The following VPS35L variants were observed in gnomAD, a reference collection of about 807,000 sequenced individuals.
VPS35L encodes VPS35 endosomal protein sorting factor like.
A neutral mutation model predicts 133.0 loss-of-function variants in VPS35L; 83 were observed. That is an observed-to-expected ratio of 0.62 (90% CI 0.52 to 0.75). The LOEUF is 0.75. VPS35L is among the 30% of genes least tolerant of loss of function. The pLI is 0.00. For missense variants in VPS35L, 1,083 were observed against 1,206.8 expected (o/e 0.90, Z 1.52); for synonymous variants, 423 against 449.9 (o/e 0.94, Z 0.76).
intron 12 of VPS35L, among the ~76,000 whole-genome samples, chr16:19,612,088 G>C (rs1013167970): frequency 6.6e-6 from 1 of 151,362 alleles, no homozygotes; most frequent in Non-Finnish European, 1.5e-5. Context: ...CCAGGTGTGC[G>C]CTACCACGCC....
chr16:19,591,890 A>T lies in VPS35L; in HGVS notation c.724+16A>T. The stretch of plus-strand genomic sequence containing the variant: ...GATACATTTGGTAAGTACCTGTCAT[A>T]TGCATCTTAGATCTAGGAAATGTGT... On this transcript the variant is annotated intron_variant, in intron 8 of 30. Coordinates refer to ENST00000417362, the MANE Select transcript of VPS35L (RefSeq NM_020314.7). 6.4e-7 allele frequency: 1 copy of T among 1,553,714 alleles called. No homozygotes were observed. The highest frequency in any genetic ancestry group is 8.9e-7 in the Non-Finnish European group (1 of 1,125,386).
chr16:19,699,752 C>A lies in VPS35L; in HGVS notation c.2793+104C>A. On this transcript the variant is annotated intron_variant, in intron 30 of 30. Coordinates refer to ENST00000417362, the MANE Select transcript of VPS35L (RefSeq NM_020314.7). The surrounding 1 kb of genome is among the most constrained non-coding windows in gnomAD (Gnocchi z 4.2). ...ACATCAGACAGACAACCCCATACTC[C>A]CCTTTTAGAAAAGCACTTGGTCCAT... 6.9e-7 allele frequency: 1 copy of A among 1,453,338 alleles called. No homozygotes were observed. Among genetic ancestry groups the A allele is most frequent in the South Asian group, 1.2e-5 (1 of 83,334 alleles). 90.0% of individuals were successfully genotyped at this position (1,453,338 alleles called of 1,614,324 possible).
rs1038160696 is a variant in VPS35L at position 19,616,815 on chromosome 16, G to C, written c.1224+7G>C. ...CTCCTACCATGCCCCCGAGGTAACT[G>C]CCAGGTGGCTTCAGTGTGACGCTCA... On this transcript the variant is annotated splice_region_variant and intron_variant, in intron 14 of 30. Transcript: ENST00000417362. 1 of 1,614,034 alleles carries C rather than the reference G, an allele frequency of 6.2e-7. No individual in the cohort carries two copies. Among genetic ancestry groups the C allele is most frequent in the Non-Finnish European group, 8.5e-7 (1 of 1,180,036 alleles).
rs775946795 is a variant in VPS35L at position 19,564,924 on chromosome 16, G to A, written c.91G>A (p.Asp31Asn). 5 of 1,612,668 alleles carry A rather than the reference G, an allele frequency of 3.1e-6. No homozygotes were observed. In the Admixed American group the frequency reaches 8.3e-5, roughly 27 times the overall value. Residue 31 changes from aspartate to asparagine, a missense_variant, in exon 2 of 31, where the codon GAC becomes AAC. Physicochemically the swap from Asp to Asn is conservative, Grantham distance 23. Coordinates refer to ENST00000417362, the MANE Select transcript of VPS35L (RefSeq NM_020314.7). Reference sequence around the variant, plus strand: ...GGAGGCTGTACCATTGGAGTTTGGGGACTATCACCCTCTGAAACCCATAAC... The same window carrying A: ...GGAGGCTGTACCATTGGAGTTTGGGAACTATCACCCTCTGAAACCCATAAC... ...RLEAVPLEFG[D>N]YHPLKPITVT...
Position 19,700,456 on chromosome 16 carries a change from C to T in VPS35L, c.2872C>T (p.Pro958Ser). 1 of 1,614,136 alleles carries T rather than the reference C, an allele frequency of 6.2e-7. No individual in the cohort carries two copies. The highest frequency in any genetic ancestry group is 8.5e-7 in the Non-Finnish European group (1 of 1,179,994). The change falls in exon 31 of 31, where the codon CCT (proline) becomes TCT (serine). Residue 958 changes from proline (P) to serine (S), a missense_variant. Transcript: ENST00000417362. ...THLTELALRL[P>S]LQTRT ...TCTGACGGAGCTGGCCCTCAGACTCCCTCTGCAAACAAGGACCTGACCCCC... is the reference window on the plus strand; with the variant it reads ...TCTGACGGAGCTGGCCCTCAGACTCTCTCTGCAAACAAGGACCTGACCCCC...
chr16:19,627,833 G>A (rs1479641733), intron 16 of VPS35L, 28 bp downstream of exon 16: 2 of 1,529,766 alleles, frequency 1.3e-6, no homozygotes, highest in Non-Finnish European at 1.8e-6. Flanking sequence ...TGCTCAGTAG[G>A]ACACAAATAA....
chr16:19,620,037 T>C (rs1973027850), intron 14 of VPS35L, among the ~76,000 whole-genome samples: 2 of 152,146 alleles, frequency 1.3e-5, no homozygotes, highest in South Asian at 2.1e-4. Flanking sequence ...ATACCTTTAG[T>C]TGTGAATATC....
At chr16:19,625,106 G>A (rs935136340) in intron 14 of VPS35L, among the ~76,000 whole-genome samples, 4 of 152,092 alleles carry the variant, frequency 2.6e-5, no homozygotes, top group Admixed American at 1.3e-4. Flanking sequence ...TTTGGCGGAG[G>A]CGGGGAAAAT....
rs140781422 is a variant in VPS35L at position 19,565,287 on chromosome 16, C to G, written c.117+337C>G. ...CCCAGGCTGGTCTTGAACTCCTGAGCTCAGACAGTCTGTCCACCTCCACCT... is the reference window on the plus strand; with the variant it reads ...CCCAGGCTGGTCTTGAACTCCTGAGGTCAGACAGTCTGTCCACCTCCACCT... On this transcript the variant is annotated intron_variant, in intron 2 of 30. Transcript: ENST00000417362. Among the ~76,000 whole-genome samples, 433 of 151,950 alleles carry G rather than the reference C, an allele frequency of 2.8e-3. 2 individuals carry two copies. Among genetic ancestry groups the G allele is most frequent in the African/African-American group, 9.7e-3 (404 of 41,438 alleles).
At chr16:19,628,964 G>A (rs1289332413) in intron 17 of VPS35L, among the ~76,000 whole-genome samples, 1 of 152,036 alleles carries the variant, frequency 6.6e-6, no homozygotes, top group Non-Finnish European at 1.5e-5. Flanking sequence ...GCTAATTTTT[G>A]TATTTTTAGT....
intron 9 of VPS35L, among the ~76,000 whole-genome samples, chr16:19,605,107 T>G (rs566907506): frequency 1.3e-5 from 2 of 152,308 alleles, no homozygotes; most frequent in South Asian, 4.2e-4. Context: ...CAGCACATGC[T>G]AACTAAGATG....
At chr16:19,613,460 C>G (rs746490449) in intron 12 of VPS35L, among the ~76,000 whole-genome samples, 1 of 152,228 alleles carries the variant, frequency 6.6e-6, no homozygotes, top group African/African-American at 2.4e-5. Context: ...TGCAGGCCCT[C>G]AAAGGGTGCT....
intron 21 of VPS35L, among the ~76,000 whole-genome samples, chr16:19,641,996 G>T (rs1413555456): frequency 6.6e-6 from 1 of 152,068 alleles, no homozygotes; most frequent in East Asian, 1.9e-4. Context: ...GATCACCTGA[G>T]GCCAGGAGTT....
chr16:19,675,345 A>G (rs1283845057), intron 27 of VPS35L, among the ~76,000 whole-genome samples: 1 of 149,930 alleles, frequency 6.7e-6, no homozygotes, highest in Non-Finnish European at 1.5e-5. Context: ...GCACCCAGCT[A>G]CCTCATTTTT....
Position 19,569,498 on chromosome 16 carries a change from C to T in VPS35L, c.192C>T (p.Ser64=), listed in dbSNP as rs146118670. 5.8e-5 allele frequency: 94 copies of T among 1,610,652 alleles called. No homozygotes were observed. Among genetic ancestry groups the T allele is most frequent in the African/African-American group, 4.3e-4 (32 of 74,956 alleles). The stretch of plus-strand genomic sequence containing the variant: ...CCACGTCCTCCTCCTCCTCCAGCTC[C>T]GTGGTGGACCCGCTGAGCAGCGTCC... ...TSSTSSSSSS[S]VVDPLSSVLD... Residue 64 remains serine, a synonymous_variant, in exon 3 of 31, where the codon TCC becomes TCT. Coordinates refer to ENST00000417362, the MANE Select transcript of VPS35L (RefSeq NM_020314.7).
At chr16:19,621,542 CT>C (rs532412279) in intron 14 of VPS35L, among the ~76,000 whole-genome samples, 216 of 152,182 alleles carry the variant, frequency 1.4e-3, no homozygotes, top group African/African-American at 4.8e-3. Flanking sequence ...TCAAGTTCTG[CT>C]GTGTGTGAAA....
intron 25 of VPS35L, 35 bp downstream of exon 25, chr16:19,650,494 ACTCC>A: frequency 6.6e-7 from 1 of 1,517,220 alleles, no homozygotes; most frequent in Middle Eastern, 1.7e-4. Context: ...TGGACCTCGA[ACTCC>A]AGTGGGCTGT....
chr16:19,647,688 A>C (rs1973993745), intron 23 of VPS35L, 96 bp from the exon 24 acceptor site: 1 of 954,936 alleles, frequency 1.0e-6, no homozygotes, highest in South Asian at 1.3e-5. Flanking sequence ...CGTCATAAAG[A>C]TGAGGTGGCA....
chr16:19,592,951 G>C (rs1376638142), intron 8 of VPS35L, among the ~76,000 whole-genome samples: 4 of 152,032 alleles, frequency 2.6e-5, no homozygotes, highest in African/African-American at 9.7e-5. Flanking sequence ...CTCCCTAAGT[G>C]CTAGGATGAC....
Sources: allele counts gnomAD v4.1 joint callset (sites outside exome capture counted in the v4.1 genomes callset), GRCh38; gene constraint gnomAD v4.1.1; non-coding constraint Gnocchi (gnomAD v3.1); transcripts MANE v1.5; gene names NCBI Gene and HGNC (gene_info 2026-07-23, HGNC 2026-07-21).